NFIC: variants seen among roughly 807,000 people sequenced by gnomAD.
NFIC encodes the protein nuclear factor I C.
In NFIC, 12 loss-of-function variants were observed where a neutral mutation model predicts 54.4. That is an observed-to-expected ratio of 0.22 (90% CI 0.14 to 0.36). The LOEUF (loss-of-function observed/expected upper bound fraction) is 0.36. Ranked by LOEUF, NFIC falls within the 10% of genes least tolerant of loss-of-function variation. The pLI is 1.00. For missense variants in NFIC, 575 were observed against 718.2 expected (o/e 0.80, Z 2.28); for synonymous variants, 322 against 319.2 (o/e 1.01, Z -0.09).
At chr19:3,448,844 T>C (rs4807472) in intron 6 of NFIC, among the ~76,000 whole-genome samples, 170 bp from the exon 7 acceptor site, 104,475 of 152,100 alleles carry the variant, frequency 0.69, 36,647 homozygotes, top group African/African-American at 0.79. Flanking sequence ...CTCTGAGCCT[T>C]CGTTTACTCC....
chr19:3,441,913 C>A (rs1335741686), intron 6 of NFIC, among the ~76,000 whole-genome samples: 1 of 152,204 alleles, frequency 6.6e-6, no homozygotes, highest in Non-Finnish European at 1.5e-5. Flanking sequence ...CCCTTTCCAG[C>A]TTCCTGTCTA....
intron 1 of NFIC, among the ~76,000 whole-genome samples, chr19:3,379,582 G>A (rs867788503): frequency 2.7e-5 from 4 of 150,882 alleles, no homozygotes; most frequent in Admixed American, 1.3e-4. Flanking sequence ...TTGACCTCAA[G>A]CGATCCACCT....
rs1322023313 is a variant in NFIC at position 3,379,693 on chromosome 19, T to G, written c.31-2019T>G. ...TCTTTCTTTTTTTTTTTTTTTTTTTTTTTGAGTCAGGAGTCAGGGGTCTCA... is the reference window on the plus strand; with the variant it reads ...TCTTTCTTTTTTTTTTTTTTTTTTTGTTTGAGTCAGGAGTCAGGGGTCTCA... On this transcript the variant is annotated intron_variant, in intron 1 of 10. Coordinates refer to ENST00000443272, the MANE Select transcript of NFIC (RefSeq NM_001245002.2). Among the ~76,000 whole-genome samples the G allele has an allele frequency of 1.0e-2, 1,136 of 113,820 alleles. 8 individuals are homozygous for G. The highest frequency in any genetic ancestry group is 0.018 in the Non-Finnish European group (903 of 50,366). The allele number at this position is 113,820 out of a possible 152,430, so 74.7% of individuals were successfully genotyped here.
intron 6 of NFIC, among the ~76,000 whole-genome samples, chr19:3,445,672 C>T (rs1192786523): frequency 6.6e-6 from 1 of 152,212 alleles, no homozygotes; most frequent in Non-Finnish European, 1.5e-5. Flanking sequence ...TGTCCCCCCA[C>T]AGCTGGGTCC....
At chr19:3,447,037 G>A (rs554473516) in intron 6 of NFIC, among the ~76,000 whole-genome samples, 28 of 152,184 alleles carry the variant, frequency 1.8e-4, no homozygotes, top group African/African-American at 5.3e-4. Context: ...AGTGGCTCAC[G>A]CCTATAATCC....
chr19:3,428,844 A>C (rs577839768), intron 3 of NFIC, among the ~76,000 whole-genome samples: 1 of 149,286 alleles, frequency 6.7e-6, no homozygotes, highest in East Asian at 2.1e-4. Flanking sequence ...GCGTGCTGAC[A>C]CCAGCTGGCC....
Position 3,463,887 on chromosome 19 carries a change from A to G in NFIC, c.*1118A>G. 2.1e-6 allele frequency: 2 copies of G among 973,828 alleles called. No individual in the cohort carries two copies. Among genetic ancestry groups the G allele is most frequent in the South Asian group, 9.6e-5 (2 of 20,784 alleles). The allele number at this position is 973,828 out of a possible 1,614,324, so 60.3% of individuals were successfully genotyped here. A position where few individuals can be genotyped will look rare whatever the true frequency, so the allele number is the denominator to read the frequency against. On this transcript the variant is annotated 3_prime_UTR_variant, in exon 11 of 11. Coordinates refer to ENST00000443272, the MANE Select transcript of NFIC (RefSeq NM_001245002.2). ...CCCCTTTGTCCAGCTGGGACACGGA[A>G]TGGCCGCGGGCCTCCTCCCCCTCCC...
At chr19:3,435,650 G>T (rs1397990203) in intron 6 of NFIC, among the ~76,000 whole-genome samples, 1 of 152,026 alleles carries the variant, frequency 6.6e-6, no homozygotes, top group Non-Finnish European at 1.5e-5. Context: ...TCCTTCTTGA[G>T]GTTACTTTTT....
intron 2 of NFIC, among the ~76,000 whole-genome samples, chr19:3,393,884 T>C (rs2081415753): frequency 6.6e-6 from 1 of 151,190 alleles, no homozygotes; most frequent in African/African-American, 2.4e-5. Flanking sequence ...GTCCTCACAC[T>C]TAAGAATGTA....
Position 3,425,197 on chromosome 19 carries a change from G to C in NFIC, c.634+20G>C, listed in dbSNP as rs1320594165. On this transcript the variant is annotated intron_variant, in intron 3 of 10. Transcript: ENST00000443272. Reference sequence around the variant, plus strand: ...CGCTGGGTGAGTCTGGGGGCAGCGTGGCGGTGAAGGGCGGAGGGCGCAGCC... The same window carrying C: ...CGCTGGGTGAGTCTGGGGGCAGCGTCGCGGTGAAGGGCGGAGGGCGCAGCC... The C allele has an allele frequency of 1.2e-6, 2 of 1,602,812 alleles. No homozygotes were observed. The highest frequency in any genetic ancestry group is 8.5e-7 in the Non-Finnish European group (1 of 1,176,536).
At chr19:3,363,495 C>T (rs1450423111), upstream of NFIC, among the ~76,000 whole-genome samples, 1 of 151,612 alleles carries the variant, frequency 6.6e-6, no homozygotes, top group Non-Finnish European at 1.5e-5. Context: ...TGATTTTAAA[C>T]TCCTGACCTC....
chr19:3,410,853 G>C (rs754079155), intron 2 of NFIC: 1 of 152,288 alleles, frequency 6.6e-6, no homozygotes. Context: ...TGGAGGCTCC[G>C]ACAGAGGAGG....
At chr19:3,402,434 C>T (rs947850359) in intron 2 of NFIC, among the ~76,000 whole-genome samples, 1 of 152,222 alleles carries the variant, frequency 6.6e-6, no homozygotes, top group East Asian at 1.9e-4. Context: ...TCATCCCTCC[C>T]TCTCAACTTT....
chr19:3,380,152 C>A (rs1410659099), intron 1 of NFIC, among the ~76,000 whole-genome samples: 2 of 151,216 alleles, frequency 1.3e-5, no homozygotes, highest in African/African-American at 4.9e-5. Flanking sequence ...AGGCGCCCGA[C>A]ACCACGCCCG....
At chr19:3,401,764 C>T (rs370643155) in intron 2 of NFIC, among the ~76,000 whole-genome samples, 2 of 152,238 alleles carry the variant, frequency 1.3e-5, no homozygotes, top group African/African-American at 4.8e-5. Context: ...CTCTGTCACC[C>T]AGGCTGGAGT....
chr19:3,450,645 A>C (rs1378309817), intron 7 of NFIC, among the ~76,000 whole-genome samples: 1 of 151,840 alleles, frequency 6.6e-6, no homozygotes, highest in Admixed American at 6.5e-5. Context: ...ACAGAGCAAG[A>C]CTCCATCTCA....
At chr19:3,443,158 G>C (rs1352287155) in intron 6 of NFIC, among the ~76,000 whole-genome samples, 1 of 152,226 alleles carries the variant, frequency 6.6e-6, no homozygotes, top group Admixed American at 6.5e-5. Flanking sequence ...TTGAGGCTGA[G>C]TGTGGTGGCT....
intron 1 of NFIC, among the ~76,000 whole-genome samples, chr19:3,373,959 G>A (rs564577805): frequency 6.6e-6 from 1 of 152,322 alleles, no homozygotes; most frequent in African/African-American, 2.4e-5. Flanking sequence ...CCTGACGCTG[G>A]TGCCGGATGG....
chr19:3,418,711 G>T (rs1027797822), intron 2 of NFIC, among the ~76,000 whole-genome samples: 10 of 152,146 alleles, frequency 6.6e-5, no homozygotes, highest in Non-Finnish European at 1.5e-5. Flanking sequence ...AATTAGCCAG[G>T]TGTGGTGGCA....
Sources: allele counts gnomAD v4.1 joint callset (sites outside exome capture counted in the v4.1 genomes callset), GRCh38; gene constraint gnomAD v4.1.1; transcripts MANE v1.5; gene names NCBI Gene and HGNC (gene_info 2026-07-23, HGNC 2026-07-21).